HNRNPA3: variants seen among roughly 807,000 people sequenced by gnomAD.
The protein encoded by HNRNPA3 is heterogeneous nuclear ribonucleoprotein A3.
Under a neutral mutation model 45.8 loss-of-function variants are expected in HNRNPA3, and 3 were observed. The observed-to-expected ratio is 0.07, with a 90% CI of 0.03 to 0.17. HNRNPA3 has a LOEUF of 0.17. Ranked by LOEUF, HNRNPA3 falls within the 10% of genes least tolerant of loss-of-function variation. The pLI is 1.00. For synonymous variants in HNRNPA3, 170 were observed against 155.6 expected (o/e 1.09, Z -0.69); for missense variants, 183 against 480.3 (o/e 0.38, Z 5.79).
chr2:177,223,422 GTGAT>G (rs769707007), downstream of HNRNPA3: 15 of 151,912 alleles, frequency 9.9e-5, no homozygotes, highest in Admixed American at 3.9e-4. Flanking sequence ...TGTTATATAA[GTGAT>G]TGGGGCAGAT....
chr2:177,215,577 G>A, exon 2 of HNRNPA3: 1 of 1,613,824 alleles, frequency 6.2e-7, no homozygotes, highest in African/African-American at 1.3e-5. Context: ...TGAGAAAACT[G>A]TTTATTGGTG....
intron 1 of HNRNPA3, among the ~76,000 whole-genome samples, chr2:177,213,440 T>A (rs1326133262): frequency 6.6e-6 from 1 of 152,262 alleles, no homozygotes; most frequent in Non-Finnish European, 1.5e-5. Flanking sequence ...GCTGAAGTTC[T>A]GCCGACGCTT....
At chr2:177,216,795 C>T (rs1688960056) in intron 6 of HNRNPA3, 24 bp downstream of exon 6, 1 of 1,613,800 alleles carries the variant, frequency 6.2e-7, no homozygotes, top group Non-Finnish European at 8.5e-7. Context: ...CTTCTAAGTA[C>T]ATGGATACCT....
At chr2:177,219,067 A>C in exon 9 of HNRNPA3, 1 of 1,613,990 alleles carries the variant, frequency 6.2e-7, no homozygotes. Context: ...AACTATAATG[A>C]TTTTGGAAAT....
chr2:177,218,305 G>C (rs553988860), intron 8 of HNRNPA3, among the ~76,000 whole-genome samples: 2 of 151,996 alleles, frequency 1.3e-5, no homozygotes, highest in African/African-American at 4.8e-5. Flanking sequence ...CTTGTGATCT[G>C]CCCGCTTCTG....
At chr2:177,219,506 T>C (rs1358894059) in exon 11 of HNRNPA3, 1 of 485,614 alleles carries the variant, frequency 2.1e-6, no homozygotes, top group Non-Finnish European at 3.7e-6. Flanking sequence ...ACTGTAAAAA[T>C]CTGCCACAGA....
chr2:177,223,523 G>C (rs368679985), downstream of HNRNPA3: 105 of 152,210 alleles, frequency 6.9e-4, no homozygotes, highest in East Asian at 3.9e-3. Flanking sequence ...TGTCCTAAAG[G>C]AGAATATGTG....
downstream of HNRNPA3, chr2:177,222,659 T>C (rs1142940): frequency 0.91 from 138,594 of 152,234 alleles, 63,177 homozygotes; most frequent in African/African-American, 0.93. Flanking sequence ...GAAAAATTAG[T>C]TGGGCTTGGT....
chr2:177,219,146 C>T (rs1211188505), exon 9 of HNRNPA3: 1 of 1,614,104 alleles, frequency 6.2e-7, no homozygotes, highest in Admixed American at 1.7e-5. Flanking sequence ...GAAGCTCGGG[C>T]AGTCCCTATG....
chr2:177,219,006 TA>T (rs1258766115), intron 8 of HNRNPA3, 30 bp from the exon 9 acceptor site: 2 of 1,608,686 alleles, frequency 1.2e-6, no homozygotes, highest in African/African-American at 2.7e-5. Flanking sequence ...ATTGTGTAGG[TA>T]AACCACACAT....
chr2:177,213,845 A>G (rs1688801960), intron 1 of HNRNPA3, among the ~76,000 whole-genome samples: 1 of 152,248 alleles, frequency 6.6e-6, no homozygotes, highest in Admixed American at 6.5e-5. Flanking sequence ...CCAGAGTTGA[A>G]ATTTTCACGT....
chr2:177,214,583 C>G (rs924544976), intron 1 of HNRNPA3, among the ~76,000 whole-genome samples: 6 of 152,142 alleles, frequency 3.9e-5, no homozygotes. Context: ...ATCACGAGGT[C>G]AGGAGATCGA....
At chr2:177,222,305 T>G (rs1433201322), downstream of HNRNPA3, 1 of 152,250 alleles carries the variant, frequency 6.6e-6, no homozygotes, top group Non-Finnish European at 1.5e-5. Flanking sequence ...TTTTAAAAAT[T>G]CCCCTGCGAA....
Position 177,216,396 on chromosome 2 carries a change from A to T in HNRNPA3, c.554-107A>T, listed in dbSNP as rs867152764. On this transcript the variant is annotated intron_variant, in intron 4 of 10. Transcript: ENST00000392524. ...ATGCTCCTTCATTACCAGAGTCACT[A>T]CCTGATTATGTCTTAATGGGTTACA... The T allele has an allele frequency of 6.2e-6, 5 of 809,730 alleles. No individual in the cohort carries two copies. In the East Asian group the frequency reaches 1.3e-4, roughly 21 times the overall value. 50.2% of individuals were successfully genotyped at this position (809,730 alleles called of 1,614,324 possible).
intron 7 of HNRNPA3, among the ~76,000 whole-genome samples, 192 bp from the exon 8 acceptor site, chr2:177,217,513 T>C (rs186964364): frequency 6.6e-6 from 1 of 152,318 alleles, no homozygotes; most frequent in African/African-American, 2.4e-5. Flanking sequence ...GCCCATAGTC[T>C]AGCTACTCAG....
intron 1 of HNRNPA3, among the ~76,000 whole-genome samples, chr2:177,213,601 C>T (rs1376489631): frequency 1.3e-5 from 2 of 152,364 alleles, no homozygotes; most frequent in East Asian, 1.9e-4. Context: ...TTACATTACA[C>T]TTCTTAAACC....
intron 1 of HNRNPA3, among the ~76,000 whole-genome samples, chr2:177,213,540 T>A (rs1398342588): frequency 6.6e-6 from 1 of 152,248 alleles, no homozygotes; most frequent in Non-Finnish European, 1.5e-5. Context: ...ACGAGATTGT[T>A]AAAAACTTTG....
intron 1 of HNRNPA3, among the ~76,000 whole-genome samples, chr2:177,213,196 A>G (rs1197360038): frequency 3.5e-5 from 4 of 113,614 alleles, no homozygotes; most frequent in African/African-American, 3.4e-5. Flanking sequence ...GGTTGGGAGG[A>G]GGTGGTGGGG....
chr2:177,222,186 A>T (rs1689207826), downstream of HNRNPA3: 1 of 152,626 alleles, frequency 6.6e-6, no homozygotes, highest in South Asian at 2.1e-4. Flanking sequence ...TTTCCCTGCA[A>T]GTCTACATTA....
Sources: allele counts gnomAD v4.1 joint callset (sites outside exome capture counted in the v4.1 genomes callset), GRCh38; gene constraint gnomAD v4.1.1; transcripts MANE v1.5; gene names NCBI Gene and HGNC (gene_info 2026-07-23, HGNC 2026-07-21).